The following MYO5B variants were observed in gnomAD, a reference collection of about 807,000 sequenced individuals.
MYO5B encodes the protein unconventional myosin-Vb.
A neutral mutation model predicts 229.3 loss-of-function variants in MYO5B; 143 were observed. That is an observed-to-expected ratio of 0.62 (90% confidence interval 0.54 to 0.72). MYO5B has a LOEUF of 0.72. MYO5B is among the 30% of genes least tolerant of loss of function. The pLI, the probability that MYO5B is intolerant of heterozygous loss-of-function variation, is 0.00. For synonymous variants in MYO5B, 918 were observed against 885.2 expected (o/e 1.04, Z -0.66); for missense variants, 2,321 against 2,331.0 (o/e 1.00, Z 0.09).
At chr18:50,141,606 C>T (rs368865605) in intron 1 of MYO5B, among the ~76,000 whole-genome samples, 1 of 152,314 alleles carries the variant, frequency 6.6e-6, no homozygotes, top group African/African-American at 2.4e-5. Flanking sequence ...ATGGCCATAC[C>T]CTACCCTATG....
chr18:50,061,304 T>C (rs1306754957), intron 1 of MYO5B, among the ~76,000 whole-genome samples: 1 of 152,152 alleles, frequency 6.6e-6, no homozygotes, highest in Non-Finnish European at 1.5e-5. Flanking sequence ...TCGTGAAGTG[T>C]TCTAAGAATT....
chr18:49,994,938 T>C (rs2025971261), intron 5 of MYO5B, among the ~76,000 whole-genome samples: 1 of 152,236 alleles, frequency 6.6e-6, no homozygotes, highest in Admixed American at 6.5e-5. Context: ...TCTCATTTAA[T>C]GCTGCCAAGA....
chr18:49,908,598 C>T (rs2024925528), intron 18 of MYO5B, among the ~76,000 whole-genome samples: 1 of 152,210 alleles, frequency 6.6e-6, no homozygotes, highest in African/African-American at 2.4e-5. Context: ...ACAGTGCTCA[C>T]ACACATCCTT....
chr18:50,032,958 G>T (rs1289608993), intron 4 of MYO5B, among the ~76,000 whole-genome samples: 14 of 151,984 alleles, frequency 9.2e-5, no homozygotes, highest in Admixed American at 9.2e-4. Context: ...TTGCACTCCA[G>T]CCTGGGCAAC....
chr18:50,115,201 C>T (rs529692489), intron 1 of MYO5B, among the ~76,000 whole-genome samples: 2 of 152,358 alleles, frequency 1.3e-5, no homozygotes, highest in East Asian at 1.9e-4. Flanking sequence ...GGGCAGCCAC[C>T]TGCACACTGT....
chr18:49,918,250 G>C (rs2025038245), intron 17 of MYO5B, among the ~76,000 whole-genome samples: 1 of 152,228 alleles, frequency 6.6e-6, no homozygotes, highest in East Asian at 1.9e-4. Context: ...AGATGGTATG[G>C]AGCTGCAGAG....
chr18:49,889,591 TC>T (rs1266785307), intron 22 of MYO5B, among the ~76,000 whole-genome samples: 1 of 152,166 alleles, frequency 6.6e-6, no homozygotes, highest in East Asian at 1.9e-4. Flanking sequence ...AAACTTTGCT[TC>T]TCCTTAACAT....
At chr18:50,085,954 T>C (rs1202758264) in intron 1 of MYO5B, among the ~76,000 whole-genome samples, 2 of 151,964 alleles carry the variant, frequency 1.3e-5, no homozygotes, top group African/African-American at 4.8e-5. Flanking sequence ...TTAGGAGATA[T>C]ACCTAATGCT....
chr18:49,974,779 T>TCACACACACACAGACACACACA (rs1555648455), intron 9 of MYO5B, among the ~76,000 whole-genome samples, 164 bp from the exon 10 acceptor site: 10 of 117,046 alleles, frequency 8.5e-5, no homozygotes, highest in African/African-American at 3.4e-4. Flanking sequence ...GCAGTCTCTC[T>TCACACACACACAGACACACACA]CACACACACA....
intron 10 of MYO5B, among the ~76,000 whole-genome samples, chr18:49,964,048 C>A (rs576148624): frequency 2.6e-5 from 4 of 152,242 alleles, no homozygotes; most frequent in African/African-American, 7.2e-5. Flanking sequence ...CATTTTGGTT[C>A]TTTTCTCAGT....
intron 1 of MYO5B, 34 bp from the exon 2 acceptor site, chr18:50,055,412 G>A (rs536736960): frequency 6.4e-7 from 1 of 1,554,330 alleles, no homozygotes; most frequent in Admixed American, 1.7e-5. Context: ...CTTAGATACA[G>A]AACAAAGCTC....
At chr18:49,993,404 A>G (rs2025953621) in intron 5 of MYO5B, among the ~76,000 whole-genome samples, 1 of 152,054 alleles carries the variant, frequency 6.6e-6, no homozygotes. Flanking sequence ...TCTATTATTG[A>G]CAAGGCTGGC....
Position 50,115,183 on chromosome 18 carries a change from C to T in MYO5B, c.28-59805G>A, listed in dbSNP as rs112475464. On this transcript the variant is annotated intron_variant, in intron 1 of 39. Transcript: ENST00000285039. ...AACAGCTCTCCCAGGGATCCTGATC[C>T]CCAAGGTGGGCAGCCACCTGCACAC... 7.9e-3 allele frequency among the ~76,000 whole-genome samples: 1,203 copies of T among 152,324 alleles called. 16 individuals are homozygous for T. Among genetic ancestry groups the T allele is most frequent in the African/African-American group, 0.027 (1,138 of 41,568 alleles).
intron 22 of MYO5B, among the ~76,000 whole-genome samples, chr18:49,883,998 A>G (rs984781244): frequency 6.6e-6 from 1 of 152,256 alleles, no homozygotes; most frequent in Non-Finnish European, 1.5e-5. Flanking sequence ...GGCTAAAACT[A>G]TAAAACTCTC....
intron 1 of MYO5B, among the ~76,000 whole-genome samples, chr18:50,125,694 C>T (rs2032150401): frequency 6.6e-6 from 1 of 152,138 alleles, no homozygotes; most frequent in African/African-American, 2.4e-5. Context: ...AGCAGGAATT[C>T]AAACAGATAG....
At chr18:49,928,735 C>G (rs1007917990) in intron 17 of MYO5B, among the ~76,000 whole-genome samples, 1 of 152,126 alleles carries the variant, frequency 6.6e-6, no homozygotes, top group Non-Finnish European at 1.5e-5. Flanking sequence ...CACGCCCAGT[C>G]AATGAGTGGA....
intron 18 of MYO5B, among the ~76,000 whole-genome samples, chr18:49,911,755 A>C (rs577504963): frequency 2.6e-4 from 40 of 152,188 alleles, no homozygotes; most frequent in Non-Finnish European, 5.4e-4. Context: ...TACTTTATTC[A>C]TCCATTGCTG....
intron 39 of MYO5B, 93 bp from the exon 40 acceptor site, chr18:49,826,716 G>T: frequency 2.1e-6 from 3 of 1,439,500 alleles, no homozygotes; most frequent in Non-Finnish European, 2.9e-6. Flanking sequence ...ATATATCATG[G>T]AAAGATTTCT....
At chr18:50,031,474 A>G (rs2026389172) in intron 4 of MYO5B, among the ~76,000 whole-genome samples, 1 of 152,218 alleles carries the variant, frequency 6.6e-6, no homozygotes, top group Non-Finnish European at 1.5e-5. Context: ...TAATGAGAAT[A>G]ATTCCTATTC....
Sources: gnomAD v4.1 joint callset for allele counts (sites outside exome capture counted in the v4.1 genomes callset) on GRCh38, gnomAD v4.1.1 for gene constraint, MANE v1.5 for transcripts, NCBI Gene and HGNC (gene_info 2026-07-23, HGNC 2026-07-21) for gene names.